ZNF704: variants seen among roughly 807,000 people sequenced by gnomAD.
The protein encoded by ZNF704 is glucocorticoid induced gene 1.
In ZNF704, 10 loss-of-function variants were observed where a neutral mutation model predicts 44.7. The ratio of observed to expected loss-of-function variants is 0.22; its 90% confidence interval spans 0.14 to 0.38. The LOEUF is 0.38. Among genes scored for constraint, ZNF704 ranks in the 10% least tolerant of loss-of-function variants. ZNF704 has a pLI of 1.00. For synonymous variants in ZNF704, 211 were observed against 207.6 expected (o/e 1.02, Z -0.14); for missense variants, 390 against 545.5 (o/e 0.71, Z 2.84).
At chr8:80,796,932 A>AAAGAGAAAGGGAAGGG (rs1807813262) in intron 2 of ZNF704, among the ~76,000 whole-genome samples, 1 of 87,496 alleles carries the variant, frequency 1.1e-5, no homozygotes, top group Admixed American at 1.0e-4. Context: ...AAGGGAAGGG[A>AAAGAGAAAGGGAAGGG]AAAGGAAAAG....
chr8:80,670,460 T>C lies in ZNF704; in HGVS notation c.659+43A>G, dbSNP rs765556613. 24 of 1,459,330 alleles carry C rather than the reference T, an allele frequency of 1.6e-5. No individual in the cohort carries two copies. The African/African-American group carries it at 3.3e-4, about 20-fold the overall frequency. 90.4% of individuals were successfully genotyped at this position (1,459,330 alleles called of 1,614,324 possible). A position where few individuals can be genotyped will look rare whatever the true frequency, so the allele number is the denominator to read the frequency against. On this transcript the variant is annotated intron_variant, in intron 5 of 8. Coordinates refer to ENST00000327835, the MANE Select transcript of ZNF704 (RefSeq NM_001033723.3). The stretch of plus-strand genomic sequence containing the variant: ...TTTCTGAGTGCGGGTGGCCCTAGAC[T>C]GAGCAGATGGGGGCTGCATCCCTGA...
intron 2 of ZNF704, among the ~76,000 whole-genome samples, chr8:80,803,786 G>A (rs937784806): frequency 2.0e-5 from 3 of 152,084 alleles, no homozygotes; most frequent in African/African-American, 7.2e-5. Context: ...AAGACTTCAT[G>A]GCGAAAACAC....
chr8:80,774,942 C>T (rs1807386566), intron 2 of ZNF704, among the ~76,000 whole-genome samples: 1 of 152,178 alleles, frequency 6.6e-6, no homozygotes, highest in Non-Finnish European at 1.5e-5. Context: ...TACTGCTATG[C>T]TGCTGCTGTG....
intron 8 of ZNF704, among the ~76,000 whole-genome samples, chr8:80,642,273 T>C (rs1817755488): frequency 5.9e-5 from 9 of 152,146 alleles, no homozygotes; most frequent in Admixed American, 5.9e-4. Context: ...TTTTTCTTTC[T>C]TTGTTAAGTT....
At chr8:80,645,718 T>C (rs1213080275) in intron 7 of ZNF704, among the ~76,000 whole-genome samples, 2 of 152,232 alleles carry the variant, frequency 1.3e-5, no homozygotes, top group African/African-American at 4.8e-5. Context: ...GCCACTGTGC[T>C]TCCTGTACAG....
intron 7 of ZNF704, among the ~76,000 whole-genome samples, chr8:80,657,853 G>A (rs1376737876): frequency 6.6e-6 from 1 of 151,960 alleles, no homozygotes; most frequent in Non-Finnish European, 1.5e-5. Context: ...CTTTTGTCTA[G>A]AATGTCCCAG....
At chr8:80,710,826 G>A (rs901735183) in intron 2 of ZNF704, among the ~76,000 whole-genome samples, 3 of 152,188 alleles carry the variant, frequency 2.0e-5, no homozygotes, top group African/African-American at 7.2e-5. Context: ...ATAGTAGCCT[G>A]AGCAGACTAA....
intron 2 of ZNF704, among the ~76,000 whole-genome samples, chr8:80,705,164 C>T (rs552328670): frequency 6.6e-6 from 1 of 152,268 alleles, no homozygotes; most frequent in Non-Finnish European, 1.5e-5. Context: ...TGAGCGTTTA[C>T]CCCTGAATTC....
intron 1 of ZNF704, among the ~76,000 whole-genome samples, chr8:80,833,933 C>T (rs1485233551): frequency 6.6e-6 from 1 of 152,132 alleles, no homozygotes; most frequent in Non-Finnish European, 1.5e-5. Context: ...AGCTGTTCTA[C>T]TGGAATTCAA....
intron 2 of ZNF704, among the ~76,000 whole-genome samples, chr8:80,735,006 T>A (rs1806643516): frequency 6.6e-6 from 1 of 152,124 alleles, no homozygotes; most frequent in East Asian, 1.9e-4. Flanking sequence ...TCTGTACACA[T>A]CCCCCCAATT....
At chr8:80,676,282 ATAAGTTATAC>A (rs1818364557) in intron 4 of ZNF704, among the ~76,000 whole-genome samples, 1 of 152,218 alleles carries the variant, frequency 6.6e-6, no homozygotes. Context: ...GTTTGTAAAG[ATAAGTTATAC>A]TAAGGTGCGT....
At chr8:80,881,761 C>G in the ZNF704 span, among the ~76,000 whole-genome samples, 4 of 152,230 alleles carry the variant, frequency 2.6e-5, no homozygotes, top group African/African-American at 9.6e-5. Context: ...AATCCCATCT[C>G]TACTAAAAAT....
intron 1 of ZNF704, among the ~76,000 whole-genome samples, chr8:80,848,145 T>C (rs1808796842): frequency 6.6e-6 from 1 of 152,198 alleles, no homozygotes; most frequent in Non-Finnish European, 1.5e-5. Context: ...CTCAAAGGGT[T>C]TACTCACTGT....
chr8:80,808,564 C>A (rs1390972883), intron 2 of ZNF704, among the ~76,000 whole-genome samples: 1 of 152,132 alleles, frequency 6.6e-6, no homozygotes, highest in Non-Finnish European at 1.5e-5. Flanking sequence ...GAACACAATT[C>A]TTAAATATAG....
In ZNF704 at chr8:80,639,563, A is replaced by G. The variant is rs1233459524; in HGVS notation, c.*1803T>C. The G allele has an allele frequency of 6.6e-6, 1 of 152,228 alleles. No individual in the cohort carries two copies. Among genetic ancestry groups the G allele is most frequent in the African/African-American group, 2.4e-5 (1 of 41,464 alleles). The allele number at this position is 152,228 out of a possible 1,614,324, so 9.4% of individuals were successfully genotyped here. ...CTCTTAAAATAAATGTTTTTAAAGAAAAAAATAAATGAAGAAAAAAACCAG... is the reference window on the plus strand; with the variant it reads ...CTCTTAAAATAAATGTTTTTAAAGAGAAAAATAAATGAAGAAAAAAACCAG... On this transcript the variant is annotated 3_prime_UTR_variant, in exon 9 of 9. Transcript: ENST00000327835.
At chr8:80,696,105 TGAA>T (rs2131640121) in intron 2 of ZNF704, among the ~76,000 whole-genome samples, 1 of 152,336 alleles carries the variant, frequency 6.6e-6, no homozygotes, top group Non-Finnish European at 1.5e-5. Flanking sequence ...TAATTAAACA[TGAA>T]GAGATGATAT....
At chr8:80,784,875 T>A (rs1807589899) in intron 2 of ZNF704, among the ~76,000 whole-genome samples, 1 of 152,220 alleles carries the variant, frequency 6.6e-6, no homozygotes, top group South Asian at 2.1e-4. Context: ...AAAATTTATT[T>A]TTTAGAACAG....
intron 4 of ZNF704, among the ~76,000 whole-genome samples, chr8:80,681,895 T>C (rs1818459120): frequency 6.6e-6 from 1 of 152,156 alleles, no homozygotes; most frequent in African/African-American, 2.4e-5. Context: ...TATTCTAAGA[T>C]CTTGTCACTA....
At chr8:80,804,937 G>T (rs1807964853) in intron 2 of ZNF704, among the ~76,000 whole-genome samples, 1 of 152,098 alleles carries the variant, frequency 6.6e-6, no homozygotes, top group Admixed American at 6.6e-5. Flanking sequence ...GGGACCTGTG[G>T]TATACTACTT....
Sources: allele counts gnomAD v4.1 joint callset (sites outside exome capture counted in the v4.1 genomes callset), GRCh38; gene constraint gnomAD v4.1.1; transcripts MANE v1.5; gene names NCBI Gene and HGNC (gene_info 2026-07-23, HGNC 2026-07-21).